Variants in CNTRL observed in about 807,000 individuals in gnomAD.
CNTRL encodes the protein centriolin.
Under a neutral mutation model 303.7 loss-of-function variants are expected in CNTRL, and 233 were observed. The observed-to-expected ratio is 0.77, with a 90% CI of 0.69 to 0.86. The LOEUF (loss-of-function observed/expected upper bound fraction) is 0.86, where lower values mean the gene tolerates loss of function less well. CNTRL is among the 40% of genes least tolerant of loss of function. The pLI is 0.00. For synonymous variants in CNTRL, 900 were observed against 922.2 expected (o/e 0.98, Z 0.44); for missense variants, 2,524 against 2,650.6 (o/e 0.95, Z 1.05).
intron 38 of CNTRL, 53 bp from the exon 39 acceptor site, chr9:121,169,558 C>T: frequency 6.4e-7 from 1 of 1,566,236 alleles, no homozygotes; most frequent in Non-Finnish European, 8.8e-7. Context: ...GGGAGCTCTG[C>T]CCACAGCTGG....
intron 4 of CNTRL, among the ~76,000 whole-genome samples, chr9:121,090,885 A>G (rs2048540052): frequency 6.6e-6 from 1 of 152,226 alleles, no homozygotes; most frequent in African/African-American, 2.4e-5. Context: ...GTTTAATTGG[A>G]CTTACAGTTT....
In CNTRL at chr9:121,098,404, T is replaced by C; in HGVS notation, c.640T>C (p.Leu214=). The change falls in exon 7 of 44, where the codon TTG becomes CTG. Residue 214 remains leucine (L), a synonymous_variant. Transcript: ENST00000373855. ...KISSLQDISK[L]KPLQDLISLI... ...ATTTCAGCTCCAAGATATAAGCAAG[T>C]TGAAACCGCTTCAAGATTTGATTTC... is the stretch of plus-strand genomic sequence containing the variant. 1 of 1,611,362 alleles carries C rather than the reference T, an allele frequency of 6.2e-7. No homozygotes were observed. Among genetic ancestry groups the C allele is most frequent in the Non-Finnish European group, 8.5e-7 (1 of 1,177,934 alleles).
At chr9:121,163,865 C>CTTT (rs35289557) in intron 34 of CNTRL, among the ~76,000 whole-genome samples, 32 of 138,174 alleles carry the variant, frequency 2.3e-4, no homozygotes, top group Admixed American at 1.8e-3. Context: ...TAACCAGGAA[C>CTTT]TTTTTTTTTT....
chr9:121,160,848 G>T (rs1223937173), intron 32 of CNTRL, among the ~76,000 whole-genome samples: 1 of 152,102 alleles, frequency 6.6e-6, no homozygotes, highest in Non-Finnish European at 1.5e-5. Context: ...GCACATTGAT[G>T]TGCACCTATA....
chr9:121,079,963 A>T (rs2048076580), intron 1 of CNTRL, among the ~76,000 whole-genome samples: 1 of 152,246 alleles, frequency 6.6e-6, no homozygotes, highest in East Asian at 1.9e-4. Flanking sequence ...TCCCCAGTTC[A>T]AGTGATTTTT....
At chr9:121,097,442 T>TA (rs1237971638) in intron 6 of CNTRL, among the ~76,000 whole-genome samples, 1 of 152,022 alleles carries the variant, frequency 6.6e-6, no homozygotes, top group Non-Finnish European at 1.5e-5. Context: ...GAAAATGCTT[T>TA]AAAAAAAACT....
intron 17 of CNTRL, 24 bp downstream of exon 17, chr9:121,140,810 A>G: frequency 6.2e-7 from 1 of 1,602,138 alleles, no homozygotes; most frequent in Non-Finnish European, 8.5e-7. Flanking sequence ...AAGACCTCCA[A>G]GTCTAGAGTG....
Position 121,148,697 on chromosome 9 carries a change from C to T in CNTRL, c.3485C>T (p.Thr1162Ile). 6.2e-7 allele frequency: 1 copy of T among 1,613,852 alleles called. No homozygotes were observed. The highest frequency in any genetic ancestry group is 8.5e-7 in the Non-Finnish European group (1 of 1,179,796). Reference protein sequence around the residue: ...SKVSSHSSQATKDSGVGLKYS... With the variant: ...SKVSSHSSQAIKDSGVGLKYS... ...GTTTCCAGCCATAGTTCCCAGGCCA[C>T]CAAGGACTCTGGTGTTGGCCTTAAG... The change falls in exon 24 of 44, where the codon ACC becomes ATC. Residue 1162 changes from threonine (T) to isoleucine (I), a missense_variant. Coordinates refer to ENST00000373855, the MANE Select transcript of CNTRL (RefSeq NM_007018.6).
intron 2 of CNTRL, among the ~76,000 whole-genome samples, chr9:121,087,562 G>T (rs995194321): frequency 2.9e-4 from 44 of 152,120 alleles, no homozygotes; most frequent in Admixed American, 6.5e-5. Context: ...ATGGTGACAG[G>T]CGCCAGGAAT....
chr9:121,098,317 G>A, intron 6 of CNTRL, 69 bp from the exon 7 acceptor site: 7 of 1,194,306 alleles, frequency 5.9e-6, no homozygotes, highest in Non-Finnish European at 5.9e-6. Context: ...TCCTTGATTT[G>A]TAACTTCCTT....
At chr9:121,158,494 G>A (rs1003028957) in intron 30 of CNTRL, 13 of 217,648 alleles carry the variant, frequency 6.0e-5, no homozygotes, top group African/African-American at 2.1e-4. Flanking sequence ...AAATTGCAAC[G>A]AATTTTTAAT....
chr9:121,090,984 C>G (rs1031494535), intron 4 of CNTRL, among the ~76,000 whole-genome samples: 1 of 152,132 alleles, frequency 6.6e-6, no homozygotes, highest in Non-Finnish European at 1.5e-5. Context: ...CTAAAGAGAG[C>G]TTGTGAAGGA....
rs779021409 is a variant in CNTRL, at chr9:121,098,420, A to T, written c.656A>T (p.Asp219Val). 4 of 1,612,944 alleles carry T rather than the reference A, an allele frequency of 2.5e-6. No individual in the cohort carries two copies. The highest frequency in any genetic ancestry group is 2.5e-6 in the Non-Finnish European group (3 of 1,179,296). ...QDISKLKPLQDLISLILVENP... is the reference protein window; with the variant it reads ...QDISKLKPLQVLISLILVENP... Reference sequence around the variant, plus strand: ...ATAAGCAAGTTGAAACCGCTTCAAGATTTGATTTCTCTGATCCTAGTTGAA... The same window carrying T: ...ATAAGCAAGTTGAAACCGCTTCAAGTTTTGATTTCTCTGATCCTAGTTGAA... Residue 219 changes from aspartate to valine, a missense_variant, in exon 7 of 44, where the codon GAT (aspartate) becomes GTT (valine). Coordinates refer to ENST00000373855, the MANE Select transcript of CNTRL (RefSeq NM_007018.6).
intron 14 of CNTRL, among the ~76,000 whole-genome samples, chr9:121,129,051 G>A (rs900327003): frequency 1.3e-5 from 2 of 152,180 alleles, no homozygotes; most frequent in South Asian, 2.1e-4. Flanking sequence ...TAGCCTTGTA[G>A]TATAGTTTAA....
In CNTRL at chr9:121,154,770, GA is replaced by G; in HGVS notation, c.4227del (p.Lys1409AsnfsTer10). 6.2e-7 allele frequency: 1 copy of G among 1,611,680 alleles called. No homozygotes were observed. The highest frequency in any genetic ancestry group is 8.5e-7 in the Non-Finnish European group (1 of 1,177,838). ...GAGTCTTATGACTGAACTAGAAATA[GA>G]AAAATCACTCAAACATCATGAAGAT... Reference protein sequence around the residue: ...VESLMTELEIEKSLKHHEDIV... With the variant: ...VESLMTELEIXKSLKHHEDIV... On this transcript the variant is annotated frameshift_variant, in exon 27 of 44. Transcript: ENST00000373855. LOFTEE classifies it high-confidence loss of function.
chr9:121,101,512 C>T (rs1383269213), intron 7 of CNTRL, among the ~76,000 whole-genome samples: 1 of 152,070 alleles, frequency 6.6e-6, no homozygotes, highest in East Asian at 1.9e-4. Flanking sequence ...AGAGCAAACA[C>T]ATTCAAAAGC....
chr9:121,096,507 G>A lies in CNTRL; in HGVS notation c.565G>A (p.Gly189Arg), dbSNP rs1174310407. 4 of 1,558,282 alleles carry A rather than the reference G, an allele frequency of 2.6e-6. No homozygotes were observed. Among genetic ancestry groups the A allele is most frequent in the Non-Finnish European group, 3.5e-6 (4 of 1,146,366 alleles). The change falls in exon 6 of 44, where the codon GGG becomes AGG. Residue 189 changes from glycine (G) to arginine (R), a missense_variant. By Grantham distance (125) the Gly-to-Arg change is moderately radical (BLOSUM62 -2). Coordinates refer to ENST00000373855, the MANE Select transcript of CNTRL (RefSeq NM_007018.6). ...NEIEHIPVWLGKKLKSLRVLN... is the reference protein window; with the variant it reads ...NEIEHIPVWLRKKLKSLRVLN... The stretch of plus-strand genomic sequence containing the variant: ...AATTGAGCATATTCCAGTATGGTTA[G>A]GGAAGAAGTTAAAATCTTTGCGAGT...
chr9:121,103,005 A>G lies in CNTRL; in HGVS notation c.808+4433A>G, dbSNP rs577013762. Reference sequence around the variant, plus strand: ...AATTTATAGATTCAATGCCATCCCCATCAAGCTACCAATGACTTTCTTCAC... The same window carrying G: ...AATTTATAGATTCAATGCCATCCCCGTCAAGCTACCAATGACTTTCTTCAC... On this transcript the variant is annotated intron_variant, in intron 7 of 43. Transcript: ENST00000373855. 2.4e-4 allele frequency among the ~76,000 whole-genome samples: 36 copies of G among 152,344 alleles called. No homozygotes were observed. The South Asian group carries it at 2.9e-3, about 12-fold the overall frequency.
Position 121,095,635 on chromosome 9 carries a change from C to G in CNTRL, c.479+617C>G, listed in dbSNP as rs572723206. Among the ~76,000 whole-genome samples, 121 of 152,172 alleles carry G rather than the reference C, an allele frequency of 8.0e-4. No homozygotes were observed. The Middle Eastern group carries it at 0.014, about 17-fold the overall frequency. On this transcript the variant is annotated intron_variant, in intron 5 of 43. Transcript: ENST00000373855. ...GTAAATATGATGGCCAAGAAAATGA[C>G]TAGCAATGGCAGAAGTTCTGATATG...
Sources: allele counts gnomAD v4.1 joint callset (sites outside exome capture counted in the v4.1 genomes callset), GRCh38; gene constraint gnomAD v4.1.1; transcripts MANE v1.5; gene names NCBI Gene and HGNC (gene_info 2026-07-23, HGNC 2026-07-21).